The following DCC variants were observed in gnomAD, a reference collection of about 807,000 sequenced individuals.
DCC encodes the protein netrin receptor DCC.
DCC carries 58 observed loss-of-function variants against 172.5 expected under a neutral mutation model. The observed-to-expected ratio is 0.34, with a 90% CI of 0.27 to 0.42. The LOEUF is 0.42. Ranked by LOEUF, DCC falls within the 10% of genes least tolerant of loss-of-function variation. DCC has a pLI of 1.00. For synonymous variants in DCC, 709 were observed against 644.5 expected (o/e 1.10, Z -1.52); for missense variants, 1,740 against 1,791.0 (o/e 0.97, Z 0.51).
At chr18:53,370,266 CCTT>C (rs2058047252) in intron 15 of DCC, among the ~76,000 whole-genome samples, 1 of 151,568 alleles carries the variant, frequency 6.6e-6, no homozygotes, top group African/African-American at 2.4e-5. Context: ...CTGTTGTAAT[CCTT>C]CTTATTTCTT....
At chr18:52,616,149 T>C (rs1260228762) in intron 1 of DCC, among the ~76,000 whole-genome samples, 3 of 152,162 alleles carry the variant, frequency 2.0e-5, no homozygotes, top group Admixed American at 6.5e-5. Context: ...CTCAGCATTA[T>C]TTGGATTTCA....
chr18:53,194,476 GT>G (rs561215147), intron 9 of DCC, among the ~76,000 whole-genome samples: 13 of 147,232 alleles, frequency 8.8e-5, no homozygotes, highest in South Asian at 2.2e-4. Context: ...GTTGTTGTTT[GT>G]TTTTTTTTTA....
intron 1 of DCC, among the ~76,000 whole-genome samples, chr18:52,492,445 G>C (rs1446983385): frequency 6.6e-6 from 1 of 151,928 alleles, no homozygotes. Flanking sequence ...ATGAGATGTG[G>C]AGTGAGTGGC....
At chr18:53,022,539 ATGTGCGTGTG>A (rs761087185) in intron 5 of DCC, among the ~76,000 whole-genome samples, 2 of 117,722 alleles carry the variant, frequency 1.7e-5, no homozygotes, top group Admixed American at 9.2e-5. Flanking sequence ...TTATATATAT[ATGTGCGTGTG>A]TGTGTGTGTG....
chr18:53,445,773 C>T (rs1912556718), intron 22 of DCC, among the ~76,000 whole-genome samples: 1 of 151,760 alleles, frequency 6.6e-6, no homozygotes, highest in African/African-American at 2.4e-5. Flanking sequence ...CATGTTCAAA[C>T]ATCATGGAAA....
chr18:52,617,649 A>C (rs2034408451), intron 1 of DCC, among the ~76,000 whole-genome samples: 1 of 152,180 alleles, frequency 6.6e-6, no homozygotes, highest in Non-Finnish European at 1.5e-5. Flanking sequence ...GGAAGGGAAG[A>C]AGTGGATCAT....
chr18:52,385,208 A>G lies in DCC; in HGVS notation c.91+44330A>G, dbSNP rs1213914079. On this transcript the variant is annotated intron_variant, in intron 1 of 28. Coordinates refer to ENST00000442544, the MANE Select transcript of DCC (RefSeq NM_005215.4). ...CTGGGTGCTCTATTTTCTTGTCCCA[A>G]TAAAGTGGAATGTGTGGTATGAAAT... Among the ~76,000 whole-genome samples, 5 of 152,254 alleles carry G rather than the reference A, an allele frequency of 3.3e-5. No individual in the cohort carries two copies. In the East Asian group the frequency reaches 7.7e-4, roughly 24 times the overall value.
At chr18:52,426,797 T>TC (rs34161866) in intron 1 of DCC, among the ~76,000 whole-genome samples, 61,586 of 151,896 alleles carry the variant, frequency 0.41, 13,907 homozygotes, top group East Asian at 0.69. Context: ...TGGCATTATT[T>TC]TTTGTTATCA....
intron 19 of DCC, among the ~76,000 whole-genome samples, chr18:53,406,120 C>G (rs1211613578): frequency 6.6e-6 from 1 of 152,162 alleles, no homozygotes; most frequent in Non-Finnish European, 1.5e-5. Context: ...GAGACTAACA[C>G]AAATAGAAGA....
intron 1 of DCC, among the ~76,000 whole-genome samples, chr18:52,619,143 G>A (rs963183564): frequency 6.6e-6 from 1 of 152,052 alleles, no homozygotes; most frequent in Admixed American, 6.5e-5. Flanking sequence ...TCACCATGTT[G>A]GCCAGGCTGG....
At chr18:53,379,275 A>G (rs897075740) in intron 15 of DCC, among the ~76,000 whole-genome samples, 17 of 152,290 alleles carry the variant, frequency 1.1e-4, no homozygotes, top group Admixed American at 1.1e-3. Context: ...ATGCAGGAAC[A>G]TGCAGAGTGG....
intron 2 of DCC, among the ~76,000 whole-genome samples, chr18:52,853,335 G>A (rs902460917): frequency 5.3e-5 from 8 of 152,224 alleles, no homozygotes; most frequent in African/African-American, 1.9e-4. Context: ...AGACCATCCT[G>A]TCTCAAAATA....
At chr18:52,851,355 AG>A (rs2038972805) in intron 2 of DCC, among the ~76,000 whole-genome samples, 1 of 152,106 alleles carries the variant, frequency 6.6e-6, no homozygotes, top group Non-Finnish European at 1.5e-5. Context: ...TTTGTCATAA[AG>A]CGAAAGAGTT....
chr18:53,072,628 C>T (rs2042670633), intron 7 of DCC, among the ~76,000 whole-genome samples: 1 of 152,122 alleles, frequency 6.6e-6, no homozygotes, highest in Non-Finnish European at 1.5e-5. Flanking sequence ...ATAAAGTTGC[C>T]ATGGGAAGAA....
intron 19 of DCC, among the ~76,000 whole-genome samples, chr18:53,407,565 ACTCT>A (rs201397464): frequency 1.1e-4 from 14 of 127,072 alleles, no homozygotes; most frequent in African/African-American, 2.7e-4. Flanking sequence ...ATTCACTATT[ACTCT>A]CTCTCTATAT....
At chr18:53,293,809 C>T (rs141048769) in intron 12 of DCC, among the ~76,000 whole-genome samples, 1 of 152,138 alleles carries the variant, frequency 6.6e-6, no homozygotes, top group African/African-American at 2.4e-5. Context: ...GAGCTCCGAG[C>T]TTCATATTTA....
intron 2 of DCC, among the ~76,000 whole-genome samples, chr18:52,856,809 C>T (rs954822101): frequency 6.6e-6 from 1 of 152,068 alleles, no homozygotes; most frequent in East Asian, 1.9e-4. Flanking sequence ...ATTGATTTAA[C>T]GACTCCTTTG....
chr18:53,235,036 T>A (rs1434798114), intron 12 of DCC, among the ~76,000 whole-genome samples: 4 of 152,208 alleles, frequency 2.6e-5, no homozygotes, highest in African/African-American at 9.6e-5. Context: ...TCCATTCTTT[T>A]CATTCTAATG....
chr18:53,058,048 A>G (rs555609448), intron 5 of DCC, among the ~76,000 whole-genome samples: 16 of 152,240 alleles, frequency 1.1e-4, no homozygotes, highest in African/African-American at 3.6e-4. Context: ...TAAATAGAAC[A>G]TATAACATCT....
Sources: gnomAD v4.1 joint callset for allele counts (sites outside exome capture counted in the v4.1 genomes callset) on GRCh38, gnomAD v4.1.1 for gene constraint, MANE v1.5 for transcripts, NCBI Gene and HGNC (gene_info 2026-07-23, HGNC 2026-07-21) for gene names.